Variants in CAMTA1 observed in about 807,000 individuals in gnomAD.
The protein encoded by CAMTA1 is calmodulin binding transcription activator 1.
A neutral mutation model predicts 170.9 loss-of-function variants in CAMTA1; 27 were observed. The ratio of observed to expected loss-of-function variants is 0.16; its 90% CI spans 0.12 to 0.22. The LOEUF (loss-of-function observed/expected upper bound fraction) is 0.22, where lower values mean the gene tolerates loss of function less well. CAMTA1 is among the 10% of genes least tolerant of loss of function. The probability of loss-of-function intolerance (pLI) is 1.00; values close to 1 mark genes in which losing one functional copy is unlikely to be tolerated. For synonymous variants in CAMTA1, 833 were observed against 891.5 expected, an observed-to-expected ratio of 0.93 and a Z score of 1.17; for missense variants, 1,619 against 2,217.2, an observed-to-expected ratio of 0.73 and a Z score of 5.42.
At chr1:6,915,930 C>T (rs1680686959) in intron 3 of CAMTA1, among the ~76,000 whole-genome samples, 1 of 152,130 alleles carries the variant, frequency 6.6e-6, no homozygotes, top group Non-Finnish European at 1.5e-5. Context: ...GGACTGATCC[C>T]CTGGGGTCTG....
chr1:6,801,324 G>C (rs944938201), intron 1 of CAMTA1, among the ~76,000 whole-genome samples: 5 of 152,016 alleles, frequency 3.3e-5, no homozygotes, highest in Non-Finnish European at 5.9e-5. Context: ...CTTTTTATCT[G>C]TCCTCTCCAA....
intron 5 of CAMTA1, among the ~76,000 whole-genome samples, chr1:7,465,115 C>T (rs773913722): frequency 7.9e-5 from 12 of 152,322 alleles, no homozygotes; most frequent in East Asian, 1.9e-4. Context: ...CAGGGTGCCA[C>T]GGGCAAAACT....
chr1:6,939,132 G>A (rs1362154564), intron 3 of CAMTA1, among the ~76,000 whole-genome samples: 1 of 152,186 alleles, frequency 6.6e-6, no homozygotes, highest in Non-Finnish European at 1.5e-5. Flanking sequence ...AGACCCTAGG[G>A]CCTTTGGGAT....
chr1:6,913,223 G>A (rs192014263), intron 3 of CAMTA1, among the ~76,000 whole-genome samples: 24 of 152,242 alleles, frequency 1.6e-4, no homozygotes, highest in Admixed American at 7.2e-4. Context: ...TTGCTCTGGC[G>A]GCCACTGCTT....
At chr1:7,078,459 A>G (rs939745619) in intron 3 of CAMTA1, among the ~76,000 whole-genome samples, 3 of 152,220 alleles carry the variant, frequency 2.0e-5, no homozygotes, top group African/African-American at 7.2e-5. Flanking sequence ...TTATTTGAGA[A>G]AATCTGTATC....
At chr1:7,715,004 C>G (rs1357873872) in intron 11 of CAMTA1, among the ~76,000 whole-genome samples, 1 of 152,212 alleles carries the variant, frequency 6.6e-6, no homozygotes, top group Non-Finnish European at 1.5e-5. Context: ...AGGGTTTAGT[C>G]TGTGTTTTCT....
At chr1:7,316,620 A>T (rs1677546247) in intron 5 of CAMTA1, among the ~76,000 whole-genome samples, 1 of 152,184 alleles carries the variant, frequency 6.6e-6, no homozygotes, top group South Asian at 2.1e-4. Flanking sequence ...TCGTTCATTT[A>T]GTCGCAGATG....
chr1:6,811,849 C>T (rs942421644), intron 1 of CAMTA1, among the ~76,000 whole-genome samples: 4 of 152,190 alleles, frequency 2.6e-5, no homozygotes, highest in African/African-American at 9.7e-5. Flanking sequence ...TTGGCGTCCA[C>T]CTCATTGCTC....
chr1:6,964,494 GT>G (rs1691172117), intron 3 of CAMTA1, among the ~76,000 whole-genome samples: 1 of 152,150 alleles, frequency 6.6e-6, no homozygotes, highest in Non-Finnish European at 1.5e-5. Flanking sequence ...TGCAGTCTTT[GT>G]TTCTTGGGTG....
At chr1:7,282,058 C>T (rs934762631) in intron 5 of CAMTA1, among the ~76,000 whole-genome samples, 5 of 152,082 alleles carry the variant, frequency 3.3e-5, no homozygotes, top group African/African-American at 1.2e-4. Flanking sequence ...TTTAGTTCAG[C>T]CCTTTATTTT....
chr1:7,088,814 C>T (rs1238863634), intron 3 of CAMTA1, among the ~76,000 whole-genome samples: 2 of 152,202 alleles, frequency 1.3e-5, no homozygotes, highest in Admixed American at 6.5e-5. Flanking sequence ...GATACCAGAT[C>T]TCCTGAAGTT....
intron 4 of CAMTA1, among the ~76,000 whole-genome samples, chr1:7,100,744 G>A (rs955174425): frequency 7.2e-5 from 11 of 152,206 alleles, no homozygotes; most frequent in African/African-American, 2.7e-4. Flanking sequence ...CCTGGCATTG[G>A]CACAGGGGCG....
chr1:7,411,225 G>A (rs979510946), intron 5 of CAMTA1, among the ~76,000 whole-genome samples: 4 of 152,142 alleles, frequency 2.6e-5, no homozygotes, highest in Admixed American at 2.0e-4. Flanking sequence ...ACCCTGGGAT[G>A]GCAAGTTCAG....
At chr1:7,254,782 G>A (rs982284987) in intron 5 of CAMTA1, among the ~76,000 whole-genome samples, 3 of 152,198 alleles carry the variant, frequency 2.0e-5, no homozygotes, top group African/African-American at 7.2e-5. Context: ...TTTCAGCTCC[G>A]CTTGCAGCCA....
intron 6 of CAMTA1, among the ~76,000 whole-genome samples, chr1:7,584,163 G>A (rs1405752491): frequency 2.0e-5 from 3 of 152,108 alleles, no homozygotes; most frequent in Non-Finnish European, 4.4e-5. Context: ...AGATGATAAG[G>A]CAGACGTTAT....
chr1:7,215,481 C>T (rs1479822353), intron 4 of CAMTA1, among the ~76,000 whole-genome samples: 3 of 152,222 alleles, frequency 2.0e-5, no homozygotes, highest in Non-Finnish European at 4.4e-5. Flanking sequence ...GCAACCTCCG[C>T]CTTCCAGGTT....
At chr1:7,458,235 A>AG (rs1312780273) in intron 5 of CAMTA1, among the ~76,000 whole-genome samples, 21 of 152,114 alleles carry the variant, frequency 1.4e-4, no homozygotes, top group Admixed American at 1.2e-3. Flanking sequence ...GCTTCTGATG[A>AG]GGGAGACGGG....
intron 6 of CAMTA1, among the ~76,000 whole-genome samples, chr1:7,509,364 G>A (rs2094168350): frequency 2.0e-5 from 3 of 152,164 alleles, no homozygotes; most frequent in Admixed American, 2.0e-4. Flanking sequence ...CCCAGAGCCA[G>A]GCAACACTTG....
intron 6 of CAMTA1, among the ~76,000 whole-genome samples, chr1:7,510,024 A>G (rs1557842953): frequency 9.2e-6 from 1 of 109,218 alleles, no homozygotes; most frequent in Non-Finnish European, 2.2e-5. Flanking sequence ...AAAAAAAAAA[A>G]ACACTGTCCT....
Sources: gnomAD v4.1 joint callset for allele counts (sites outside exome capture counted in the v4.1 genomes callset) on GRCh38, gnomAD v4.1.1 for gene constraint, MANE v1.5 for transcripts, NCBI Gene and HGNC (gene_info 2026-07-23, HGNC 2026-07-21) for gene names.